ASB2: variants seen among roughly 807,000 people sequenced by gnomAD.
ASB2 encodes the protein ankyrin repeat and SOCS box containing 2.
A neutral mutation model predicts 62.4 loss-of-function variants in ASB2; 58 were observed. The observed-to-expected ratio is 0.93, with a 90% CI of 0.75 to 1.16. ASB2 has a LOEUF of 1.16. ASB2 is among the 50% of genes most tolerant of loss of function. The pLI is 0.00. For missense variants in ASB2, 928 were observed against 887.9 expected (o/e 1.05, Z -0.57); for synonymous variants, 386 against 385.3 (o/e 1.00, Z -0.02).
In ASB2 at chr14:93,934,530, C is replaced by G; in HGVS notation, c.*126G>C. 1.1e-6 allele frequency: 1 copy of G among 915,676 alleles called. No homozygotes were observed. Among genetic ancestry groups the G allele is most frequent in the South Asian group, 1.6e-5 (1 of 63,754 alleles). The allele number at this position is 915,676 out of a possible 1,614,324, so 56.7% of individuals were successfully genotyped here. A position where few individuals can be genotyped will look rare whatever the true frequency, so the allele number is the denominator to read the frequency against. Reference sequence around the variant, plus strand: ...ACCCAGTGAGATCCTGGTAGCTGTCCAGGCTGAGAGGGAGGCAGCCTGCAG... The same window carrying G: ...ACCCAGTGAGATCCTGGTAGCTGTCGAGGCTGAGAGGGAGGCAGCCTGCAG... On this transcript the variant is annotated 3_prime_UTR_variant, in exon 10 of 10. Coordinates refer to ENST00000555019, the MANE Select transcript of ASB2 (RefSeq NM_001202429.2).
chr14:93,939,737 C>T, intron 7 of ASB2, 65 bp from the exon 8 acceptor site: 5 of 1,264,262 alleles, frequency 4.0e-6, no homozygotes, highest in Non-Finnish European at 5.1e-6. Flanking sequence ...AGGGCCGGCC[C>T]CGCCAGCAGG....
chr14:93,951,021 G>A lies in ASB2; in HGVS notation c.858C>T (p.Ala286=). 2 of 1,613,964 alleles carry A rather than the reference G, an allele frequency of 1.2e-6. No individual in the cohort carries two copies. Among genetic ancestry groups the A allele is most frequent in the Non-Finnish European group, 1.7e-6 (2 of 1,179,960 alleles). The stretch of plus-strand genomic sequence containing the variant: ...CACCGTACTTGGCTAAGAACCTCAA[G>A]GCCTCCAACTGTCCACTCTGGGCGG... ...FVAAQSGQLE[A]LRFLAKYGAD... The change falls in exon 6 of 10, where the codon GCC becomes GCT. Residue 286 remains alanine (A), a synonymous_variant. Transcript: ENST00000555019.
intron 7 of ASB2, 38 bp from the exon 8 acceptor site, chr14:93,939,710 TCGGGGTGTGGACGGGTAGGGC>T (rs1411764062): frequency 7.5e-6 from 10 of 1,326,686 alleles, no homozygotes; most frequent in East Asian, 3.0e-5. Context: ...GAGGGGAGGG[TCGGGGTGTGGACGGGTAGGGC>T]CGGCCCCGCC....
chr14:93,942,129 G>T (rs1888548810), intron 7 of ASB2: 1 of 454,050 alleles, frequency 2.2e-6, no homozygotes, highest in Admixed American at 2.4e-5. Context: ...AGCCCATTTT[G>T]TGGGGCAGAG....
chr14:93,957,051 T>C (rs1889249817), intron 2 of ASB2, 181 bp from the exon 3 acceptor site: 1 of 1,477,276 alleles, frequency 6.8e-7, no homozygotes, highest in Non-Finnish European at 9.0e-7. Flanking sequence ...CTGCTGTGTC[T>C]CCGGATTATT....
intron 9 of ASB2, among the ~76,000 whole-genome samples, chr14:93,935,849 C>T (rs1486244491): frequency 1.3e-5 from 2 of 152,226 alleles, no homozygotes. Context: ...AGCAGGGAAG[C>T]ATCATTCCTG....
chr14:93,949,696 A>G (rs190575926), intron 6 of ASB2, among the ~76,000 whole-genome samples: 1 of 152,140 alleles, frequency 6.6e-6, no homozygotes, highest in Non-Finnish European at 1.5e-5. Flanking sequence ...AAATGGACTC[A>G]GCCCACAAAG....
At chr14:93,975,169 C>A (rs975758926) in intron 1 of ASB2, among the ~76,000 whole-genome samples, 1 of 152,270 alleles carries the variant, frequency 6.6e-6, no homozygotes, top group Non-Finnish European at 1.5e-5. Flanking sequence ...GCTCTGCCTG[C>A]GTCCCTCTGA....
intron 4 of ASB2, 124 bp from the exon 5 acceptor site, chr14:93,953,631 A>G (rs541370580): frequency 1.2e-6 from 1 of 849,940 alleles, no homozygotes; most frequent in East Asian, 2.9e-5. Context: ...TTTACCAACT[A>G]CAGACTGCAT....
In ASB2 at chr14:93,939,563, G is replaced by A; in HGVS notation, c.1162C>T (p.Leu388=). Residue 388 remains leucine (L), a synonymous_variant, in exon 8 of 10, where the codon CTG becomes TTG. Transcript: ENST00000555019. Reference sequence around the variant, plus strand: ...TTCACGTCGAAGCGCGCGCTCAGCAGCGCCTCCAGCACCTCGTCGTGGTTG... The same window carrying A: ...TTCACGTCGAAGCGCGCGCTCAGCAACGCCTCCAGCACCTCGTCGTGGTTG... ...ERNHDEVLEA[L]LSARFDVNTP... is the part of the protein sequence containing the mutation. 1 of 1,592,802 alleles carries A rather than the reference G, an allele frequency of 6.3e-7. No individual in the cohort carries two copies. The highest frequency in any genetic ancestry group is 8.5e-7 in the Non-Finnish European group (1 of 1,172,548).
chr14:93,955,933 T>A (rs730958), intron 3 of ASB2, among the ~76,000 whole-genome samples: 75,812 of 151,960 alleles, frequency 0.5, 19,618 homozygotes, highest in East Asian at 0.65. Context: ...TGAGACCAGC[T>A]CTGGGTCTCC....
At position 93,939,045 on chromosome 14, in the gene ASB2, G is replaced by C. The variant is rs1284373415; in HGVS notation, c.1617+63C>G. 3.3e-5 allele frequency: 45 copies of C among 1,349,290 alleles called. 1 individual carries two copies. In the East Asian group the frequency reaches 1.3e-3, roughly 39 times the overall value. The allele number at this position is 1,349,290 out of a possible 1,614,324, so 83.6% of individuals were successfully genotyped here. A position where few individuals can be genotyped will look rare whatever the true frequency, so the allele number is the denominator to read the frequency against. On this transcript the variant is annotated intron_variant, in intron 8 of 9. Transcript: ENST00000555019. ...ACCCGGCCCCGCCCGCCTCCCATGC[G>C]CGCGCGCGTCCCTGGGCCACACCCA...
intron 1 of ASB2, among the ~76,000 whole-genome samples, chr14:93,973,045 G>A (rs1274956188): frequency 1.3e-5 from 2 of 152,222 alleles, no homozygotes; most frequent in African/African-American, 4.8e-5. Context: ...CTGGGCTGGG[G>A]CTGCTGGAGG....
intron 3 of ASB2, 113 bp downstream of exon 3, chr14:93,956,653 T>A: frequency 2.1e-6 from 3 of 1,424,996 alleles, no homozygotes; most frequent in Non-Finnish European, 2.9e-6. Context: ...GGCAGGTGCC[T>A]CCATAGTGCC....
chr14:93,950,303 G>A (rs1488152349), intron 6 of ASB2, among the ~76,000 whole-genome samples: 2 of 152,184 alleles, frequency 1.3e-5, no homozygotes, highest in African/African-American at 4.8e-5. Context: ...TCTTGGGGAA[G>A]ATCAGGATAT....
intron 9 of ASB2, among the ~76,000 whole-genome samples, chr14:93,935,237 G>A (rs1329591210): frequency 6.6e-6 from 1 of 152,144 alleles, no homozygotes; most frequent in Non-Finnish European, 1.5e-5. Flanking sequence ...AGCTCCCAGT[G>A]GTGCTGAGAG....
rs750518369 is a variant in ASB2 at position 93,954,503 on chromosome 14, G to A, written c.312-20C>T. On this transcript the variant is annotated intron_variant, in intron 3 of 9. Coordinates refer to ENST00000555019, the MANE Select transcript of ASB2 (RefSeq NM_001202429.2). ...GCAGGCCTGTGAGAGGAAGGAGTGG[G>A]TCAGTCCTCAAGGTCAGGCCAAGGC... is the stretch of plus-strand genomic sequence containing the variant. 3.1e-6 allele frequency: 5 copies of A among 1,613,470 alleles called. No homozygotes were observed. The highest frequency in any genetic ancestry group is 8.5e-7 in the Non-Finnish European group (1 of 1,179,572).
chr14:93,935,612 CA>C (rs1170849619), intron 9 of ASB2, among the ~76,000 whole-genome samples: 2 of 151,984 alleles, frequency 1.3e-5, no homozygotes, highest in Non-Finnish European at 2.9e-5. Context: ...GGAAGGGGGA[CA>C]GGGGCATTCT....
intron 6 of ASB2, among the ~76,000 whole-genome samples, chr14:93,950,637 T>A (rs1330178602): frequency 6.6e-6 from 1 of 152,166 alleles, no homozygotes; most frequent in African/African-American, 2.4e-5. Context: ...GTCTAGCTAG[T>A]TCTACAATTA....
Sources: allele counts gnomAD v4.1 joint callset (sites outside exome capture counted in the v4.1 genomes callset), GRCh38; gene constraint gnomAD v4.1.1; transcripts MANE v1.5; gene names NCBI Gene and HGNC (gene_info 2026-07-23, HGNC 2026-07-21).